The following TESC variants were observed in gnomAD, a reference collection of about 807,000 sequenced individuals.
The protein encoded by TESC is tescalcin, also known as calcineurin B homologous protein 3.
TESC carries 19 observed loss-of-function variants against 31.0 expected under a neutral mutation model. The ratio of observed to expected loss-of-function variants is 0.61; its 90% CI spans 0.43 to 0.90. The LOEUF is 0.90. TESC is among the 40% of genes least tolerant of loss of function. TESC has a pLI of 0.00. For missense variants in TESC, 248 were observed against 303.8 expected, an observed-to-expected ratio of 0.82 and a Z score of 1.36; for synonymous variants, 109 against 114.8, an observed-to-expected ratio of 0.95 and a Z score of 0.32.
rs189129803 is a variant in TESC, at chr12:117,049,071, G to A, written c.297C>T (p.Asp99=). 1.3e-3 allele frequency: 2,113 copies of A among 1,614,260 alleles called. 14 individuals carry two copies. Among genetic ancestry groups the A allele is most frequent in the East Asian group, 4.1e-3 (184 of 44,888 alleles). ...LTIMSYFRPI[D]TTMDEEQVEL... ...CCACCTGTTCCTCGTCCATGGTGGT[G>A]TCGATGGGCCGGAAGTAGGACATGA... Residue 99 remains aspartate (D), a synonymous_variant, in exon 4 of 8, where the codon GAC becomes GAT. Transcript: ENST00000335209.
At chr12:117,066,200 C>CTTTTTTTTTTTTTTTTTTTTTT (rs58829406) in intron 2 of TESC, among the ~76,000 whole-genome samples, 6 of 62,964 alleles carry the variant, frequency 9.5e-5, no homozygotes, top group Admixed American at 2.1e-4. Flanking sequence ...CTTCCTTTAG[C>CTTTTTTTTTTTTTTTTTTTTTT]TTTTTTTTTT....
At chr12:117,066,847 G>A (rs1219154033) in intron 2 of TESC, among the ~76,000 whole-genome samples, 1 of 152,132 alleles carries the variant, frequency 6.6e-6, no homozygotes, top group Non-Finnish European at 1.5e-5. Flanking sequence ...CTGGACATTT[G>A]CAGGCTTGTA....
Position 117,039,122 on chromosome 12 carries a change from G to A in TESC, c.*11C>T, listed in dbSNP as rs767413502. 1.4e-5 allele frequency: 22 copies of A among 1,613,694 alleles called. No individual in the cohort carries two copies. Among genetic ancestry groups the A allele is most frequent in the Admixed American group, 1.7e-5 (1 of 59,974 alleles). ...TGCAAAGTGCAGTTTCTCCGCGGAG[G>A]TGGCGGTGGGTCAGTGGCAGAGGGC... On this transcript the variant is annotated 3_prime_UTR_variant, in exon 8 of 8. Coordinates refer to ENST00000335209, the MANE Select transcript of TESC (RefSeq NM_017899.4).
At chr12:117,043,434 A>C (rs562520344) in intron 6 of TESC, among the ~76,000 whole-genome samples, 1 of 146,806 alleles carries the variant, frequency 6.8e-6, no homozygotes, top group African/African-American at 2.6e-5. Context: ...AGTGCCTTCC[A>C]AGTGGTATTG....
chr12:117,077,463 T>C (rs1189471657), intron 1 of TESC, among the ~76,000 whole-genome samples: 1 of 152,224 alleles, frequency 6.6e-6, no homozygotes, highest in Non-Finnish European at 1.5e-5. Flanking sequence ...CACCCAAGCA[T>C]GCGTACAAAG....
chr12:117,060,420 C>T (rs751512419), intron 2 of TESC, among the ~76,000 whole-genome samples: 1 of 152,118 alleles, frequency 6.6e-6, no homozygotes, highest in Non-Finnish European at 1.5e-5. Flanking sequence ...CAGGTCACAC[C>T]CTCACTGCTC....
chr12:117,085,382 G>C (rs1456864112), intron 1 of TESC, among the ~76,000 whole-genome samples: 1 of 152,200 alleles, frequency 6.6e-6, no homozygotes, highest in Non-Finnish European at 1.5e-5. Flanking sequence ...ATGAGACTGA[G>C]AGACAGCAGG....
chr12:117,075,183 C>T lies in TESC; in HGVS notation c.128+88G>A, dbSNP rs981420524. On this transcript the variant is annotated intron_variant, in intron 2 of 7. Coordinates refer to ENST00000335209, the MANE Select transcript of TESC (RefSeq NM_017899.4). ...AAAATAAAAAGAAAACAACTACCCC[C>T]GCTACTCAGCACTCAAGAAAAGAAA... 182 of 1,320,752 alleles carry T rather than the reference C, an allele frequency of 1.4e-4. 4 individuals carry two copies. In the South Asian group the frequency reaches 1.8e-3, roughly 13 times the overall value. 81.8% of individuals were successfully genotyped at this position (1,320,752 alleles called of 1,614,324 possible).
intron 1 of TESC, among the ~76,000 whole-genome samples, chr12:117,075,901 A>ATATATATATGTGTGTG (rs1955059438): frequency 1.2e-5 from 1 of 86,130 alleles, no homozygotes; most frequent in Admixed American, 1.1e-4. Flanking sequence ...ATATATATAT[A>ATATATATATGTGTGTG]TATATATATA....
chr12:117,057,477 A>G (rs1019421427), intron 2 of TESC, among the ~76,000 whole-genome samples: 3 of 152,138 alleles, frequency 2.0e-5, no homozygotes, highest in African/African-American at 7.2e-5. Context: ...ATTTGTGTCC[A>G]TTCTGGGGAT....
intron 1 of TESC, among the ~76,000 whole-genome samples, chr12:117,095,613 C>G (rs747994171): frequency 6.6e-6 from 1 of 152,178 alleles, no homozygotes; most frequent in Non-Finnish European, 1.5e-5. Context: ...CATGGTGGCT[C>G]ATGCCTGTAA....
intron 1 of TESC, among the ~76,000 whole-genome samples, chr12:117,088,599 T>C (rs1955254030): frequency 6.6e-6 from 1 of 150,760 alleles, no homozygotes; most frequent in African/African-American, 2.5e-5. Context: ...AAGAATCACT[T>C]GAACCTGGGA....
At chr12:117,042,840 T>TCC (rs1351345985) in intron 6 of TESC, among the ~76,000 whole-genome samples, 1 of 152,210 alleles carries the variant, frequency 6.6e-6, no homozygotes, top group East Asian at 1.9e-4. Context: ...CGCTATTGAT[T>TCC]CCCACGCAAC....
chr12:117,042,411 G>C (rs776550870), intron 6 of TESC, among the ~76,000 whole-genome samples: 1 of 152,098 alleles, frequency 6.6e-6, no homozygotes, highest in Non-Finnish European at 1.5e-5. Flanking sequence ...TCCTGTACCC[G>C]CCTAGGTCTG....
chr12:117,048,464 C>T (rs1213722321), intron 4 of TESC, among the ~76,000 whole-genome samples: 6 of 152,262 alleles, frequency 3.9e-5, no homozygotes, highest in South Asian at 2.1e-4. Flanking sequence ...AGATGTGACT[C>T]GGGGCACTGC....
chr12:117,092,913 G>A (rs1340845280), intron 1 of TESC, among the ~76,000 whole-genome samples: 1 of 152,210 alleles, frequency 6.6e-6, no homozygotes, highest in Non-Finnish European at 1.5e-5. Context: ...CAAGGGCAGA[G>A]GGCCCTCCCC....
intron 6 of TESC, 109 bp downstream of exon 6, chr12:117,046,450 G>A: frequency 1.8e-6 from 2 of 1,084,446 alleles, no homozygotes; most frequent in Non-Finnish European, 2.6e-6. Flanking sequence ...GCCACAGGTA[G>A]AGCAGGTGGC....
intron 3 of TESC, among the ~76,000 whole-genome samples, chr12:117,055,406 G>A (rs761350317): frequency 6.6e-6 from 1 of 152,100 alleles, no homozygotes; most frequent in Non-Finnish European, 1.5e-5. Context: ...GCCTCCCAAA[G>A]TGCTGGGATT....
chr12:117,096,750 T>C (rs185174464), intron 1 of TESC, among the ~76,000 whole-genome samples: 2 of 152,348 alleles, frequency 1.3e-5, no homozygotes, highest in Admixed American at 6.5e-5. Context: ...GCAAGGCCCC[T>C]GAAGCCAGGC....
Sources: gnomAD v4.1 joint callset for allele counts (sites outside exome capture counted in the v4.1 genomes callset) on GRCh38, gnomAD v4.1.1 for gene constraint, MANE v1.5 for transcripts, NCBI Gene and HGNC (gene_info 2026-07-23, HGNC 2026-07-21) for gene names.